GBP6: variants seen among roughly 807,000 people sequenced by gnomAD.
GBP6 encodes guanylate-binding protein 6.
GBP6 carries 54 observed loss-of-function variants against 61.5 expected under a neutral mutation model. The observed-to-expected ratio is 0.88, with a 90% CI of 0.71 to 1.10. The LOEUF is 1.10. Ranked by LOEUF, GBP6 falls within the 50% of genes least tolerant of loss-of-function variation. The probability of loss-of-function intolerance (pLI) is 0.00; values close to 1 mark genes in which losing one functional copy is unlikely to be tolerated. For missense variants in GBP6, 748 were observed against 752.8 expected, an observed-to-expected ratio of 0.99 and a Z score of 0.07; for synonymous variants, 255 against 273.7, an observed-to-expected ratio of 0.93 and a Z score of 0.67.
At chr1:89,377,901 A>G (rs1306248731) in intron 3 of GBP6, among the ~76,000 whole-genome samples, 1 of 152,226 alleles carries the variant, frequency 6.6e-6, no homozygotes, top group African/African-American at 2.4e-5. Context: ...GAAAAACCCT[A>G]TGAAGATTAG....
chr1:89,373,170 T>C (rs1189491221), intron 3 of GBP6, among the ~76,000 whole-genome samples: 1 of 152,142 alleles, frequency 6.6e-6, no homozygotes, highest in Non-Finnish European at 1.5e-5. Flanking sequence ...AAGCAACAAG[T>C]GCTGGAGAGG....
rs751517164 is a variant in GBP6, at chr1:89,380,553, A to G, written c.793A>G (p.Thr265Ala). The G allele has an allele frequency of 1.2e-6, 2 of 1,614,140 alleles. No homozygotes were observed. The highest frequency in any genetic ancestry group is 1.1e-5 in the South Asian group (1 of 91,090). Reference protein sequence around the residue: ...KQLDPKFQEQTNIFCSYIFTH... With the variant: ...KQLDPKFQEQANIFCSYIFTH... ...ACTGGATCCCAAATTCCAGGAACAA[A>G]CAAACATTTTCTGTTCTTACATCTT... The change falls in exon 6 of 11, where the codon ACA (threonine) becomes GCA (alanine). Residue 265 changes from threonine (T) to alanine (A), a missense_variant. Physicochemically the swap from Thr to Ala is moderately conservative, Grantham distance 58 (BLOSUM62 0). Transcript: ENST00000370456.
intron 3 of GBP6, among the ~76,000 whole-genome samples, chr1:89,377,471 T>G (rs949497518): frequency 6.6e-6 from 1 of 152,216 alleles, no homozygotes; most frequent in African/African-American, 2.4e-5. Flanking sequence ...TCATAGCTCT[T>G]ATCTTCCTGG....
rs1653183523 is a variant in GBP6, at chr1:89,387,933, T to TGA, written c.*2466_*2467dup. Among the ~76,000 whole-genome samples, 1 of 152,098 alleles carries TGA rather than the reference T, an allele frequency of 6.6e-6. No individual in the cohort carries two copies. On this transcript the variant is annotated 3_prime_UTR_variant, in exon 11 of 11. Transcript: ENST00000370456. ...GGGCAACAGAGCCTGGGCGACAGAG[T>TGA]GAGGCTCTGTCTCAAAAAATTAAAC...
intron 3 of GBP6, among the ~76,000 whole-genome samples, 168 bp downstream of exon 3, chr1:89,369,841 G>C (rs942797880): frequency 1.3e-5 from 2 of 152,190 alleles, no homozygotes; most frequent in East Asian, 3.8e-4. Context: ...TGGTATATTA[G>C]GTAAAACATT....
At chr1:89,366,876 T>C (rs1463971258) in intron 1 of GBP6, among the ~76,000 whole-genome samples, 1 of 152,208 alleles carries the variant, frequency 6.6e-6, no homozygotes, top group African/African-American at 2.4e-5. Flanking sequence ...TCTGTCTCAA[T>C]GTATCTGATT....
chr1:89,379,983 G>C (rs765952226), intron 5 of GBP6, among the ~76,000 whole-genome samples: 2 of 152,040 alleles, frequency 1.3e-5, no homozygotes, highest in Admixed American at 6.6e-5. Flanking sequence ...ATAAAAACTA[G>C]AACAAATCAG....
At chr1:89,380,697 T>G in intron 6 of GBP6, 66 bp downstream of exon 6, 2 of 1,500,288 alleles carry the variant, frequency 1.3e-6, no homozygotes, top group Non-Finnish European at 1.8e-6. Flanking sequence ...AATGTGTTTC[T>G]CAGAATTTTT....
At chr1:89,379,084 G>A (rs1652888193) in intron 5 of GBP6, among the ~76,000 whole-genome samples, 2 of 152,142 alleles carry the variant, frequency 1.3e-5, no homozygotes, top group Admixed American at 1.3e-4. Context: ...AGTTTATTTG[G>A]CTCATAGTTC....
rs957283444 is a variant in GBP6 at position 89,382,576 on chromosome 1, C to G, written c.1153-88C>G. 6.8e-6 allele frequency: 7 copies of G among 1,036,464 alleles called. No homozygotes were observed. In the Admixed American group the frequency reaches 1.3e-4, roughly 19 times the overall value. The allele number at this position is 1,036,464 out of a possible 1,614,324, so 64.2% of individuals were successfully genotyped here. ...TAGAATGTTTTTCTCATGAGGACCA[C>G]AGTTAGATTGACTCTACCACCAGAT... On this transcript the variant is annotated intron_variant, in intron 7 of 10. Transcript: ENST00000370456.
In GBP6 at chr1:89,382,860, C is replaced by T. The variant is rs1341920987; in HGVS notation, c.1349C>T (p.Pro450Leu). ...ERIEQDYWQVPRKGVKAKEVF... is the reference protein window; with the variant it reads ...ERIEQDYWQVLRKGVKAKEVF... The stretch of plus-strand genomic sequence containing the variant: ...ATTGAACAGGACTATTGGCAAGTTC[C>T]CAGGAAAGGAGTAAAGGTAAGGAAT... Residue 450 changes from proline (P) to leucine (L), a missense_variant, in exon 8 of 11, where the codon CCC becomes CTC. Transcript: ENST00000370456. 6.2e-7 allele frequency: 1 copy of T among 1,612,810 alleles called. No individual in the cohort carries two copies. The highest frequency in any genetic ancestry group is 8.5e-7 in the Non-Finnish European group (1 of 1,178,988).
intron 5 of GBP6, among the ~76,000 whole-genome samples, 154 bp from the exon 6 acceptor site, chr1:89,380,232 C>G (rs1326104343): frequency 6.6e-6 from 1 of 152,188 alleles, no homozygotes; most frequent in Non-Finnish European, 1.5e-5. Context: ...ATTCTTTTAG[C>G]ATCAATGTGC....
intron 3 of GBP6, among the ~76,000 whole-genome samples, chr1:89,371,753 C>A (rs1394933625): frequency 1.3e-5 from 2 of 152,184 alleles, no homozygotes; most frequent in Non-Finnish European, 2.9e-5. Flanking sequence ...AAAACTGGCA[C>A]AAGACAGGGA....
intron 8 of GBP6, 42 bp from the exon 9 acceptor site, chr1:89,383,610 A>T: frequency 7.2e-7 from 1 of 1,379,674 alleles, no homozygotes; most frequent in Non-Finnish European, 1.0e-6. Context: ...CCCAGAACAT[A>T]GATTTTCAAA....
At chr1:89,364,342 G>C (rs1652399326) in intron 1 of GBP6, among the ~76,000 whole-genome samples, 1 of 152,244 alleles carries the variant, frequency 6.6e-6, no homozygotes, top group African/African-American at 2.4e-5. Flanking sequence ...GCTGTTCCCT[G>C]ATCATCAACT....
chr1:89,376,029 AT>A (rs1307901718), intron 3 of GBP6, among the ~76,000 whole-genome samples: 1 of 152,148 alleles, frequency 6.6e-6, no homozygotes, highest in African/African-American at 2.4e-5. Context: ...TAGATTTCAC[AT>A]ATAAGTAAAA....
intron 3 of GBP6, among the ~76,000 whole-genome samples, chr1:89,375,595 G>T (rs1652782395): frequency 9.2e-6 from 1 of 109,256 alleles, no homozygotes; most frequent in Non-Finnish European, 2.1e-5. Flanking sequence ...TTTTAATGAG[G>T]TATAAGGATT....
Position 89,385,653 on chromosome 1 carries a change from C to T in GBP6, c.*184C>T. On this transcript the variant is annotated 3_prime_UTR_variant, in exon 11 of 11. Coordinates refer to ENST00000370456, the MANE Select transcript of GBP6 (RefSeq NM_198460.3). ...GGTTCAAGAGATTCACCTGCCTCAGCCCCCTAGTAGCTGGGATTATAGGTG... is the reference window on the plus strand; with the variant it reads ...GGTTCAAGAGATTCACCTGCCTCAGTCCCCTAGTAGCTGGGATTATAGGTG... 1.8e-6 allele frequency: 1 copy of T among 566,164 alleles called. No homozygotes were observed. Among genetic ancestry groups the T allele is most frequent in the Non-Finnish European group, 3.1e-6 (1 of 326,092 alleles). 35.1% of individuals were successfully genotyped at this position (566,164 alleles called of 1,614,324 possible). A position where few individuals can be genotyped will look rare whatever the true frequency, so the allele number is the denominator to read the frequency against.
chr1:89,371,521 A>G (rs1252962927), intron 3 of GBP6, among the ~76,000 whole-genome samples: 2 of 152,258 alleles, frequency 1.3e-5, no homozygotes, highest in Admixed American at 6.5e-5. Context: ...ATGCAAATCA[A>G]TAAACATAAT....
Sources: allele counts gnomAD v4.1 joint callset (sites outside exome capture counted in the v4.1 genomes callset), GRCh38; gene constraint gnomAD v4.1.1; transcripts MANE v1.5; gene names NCBI Gene and HGNC (gene_info 2026-07-23, HGNC 2026-07-21).